BEND7: variants seen among roughly 807,000 people sequenced by gnomAD.
The protein encoded by BEND7 is BEN domain containing 7, also known as BEN domain-containing protein 7.
Under a neutral mutation model 50.9 loss-of-function variants are expected in BEND7, and 28 were observed. That is an observed-to-expected ratio of 0.55 (90% CI 0.41 to 0.75). The LOEUF (loss-of-function observed/expected upper bound fraction) is 0.75, where lower values mean the gene tolerates loss of function less well. Ranked by LOEUF, BEND7 falls within the 30% of genes least tolerant of loss-of-function variation. The probability of loss-of-function intolerance (pLI) is 0.00; values close to 1 mark genes in which losing one functional copy is unlikely to be tolerated. For synonymous variants in BEND7, 170 were observed against 183.9 expected (o/e 0.92, Z 0.61); for missense variants, 477 against 491.3 (o/e 0.97, Z 0.28).
chr10:13,522,938 A>G (rs969681501), intron 2 of BEND7, among the ~76,000 whole-genome samples: 2 of 152,184 alleles, frequency 1.3e-5, no homozygotes, highest in African/African-American at 4.8e-5. Context: ...TCTTTCATGT[A>G]AAGTGCTCAG....
chr10:13,459,735 T>G (rs1285643210), intron 6 of BEND7: 1 of 152,212 alleles, frequency 6.6e-6, no homozygotes, highest in African/African-American at 2.4e-5. Flanking sequence ...GAATGACAAC[T>G]AAGTAATATG....
chr10:13,502,576 G>A (rs540101226), intron 2 of BEND7, among the ~76,000 whole-genome samples: 1 of 152,300 alleles, frequency 6.6e-6, no homozygotes, highest in East Asian at 1.9e-4. Flanking sequence ...GTGTCTGGAA[G>A]AGGTCCCAAA....
chr10:13,527,548 C>T (rs2079514776), intron 1 of BEND7, among the ~76,000 whole-genome samples: 2 of 152,164 alleles, frequency 1.3e-5, no homozygotes, highest in African/African-American at 4.8e-5. Flanking sequence ...GAAAAGTGGA[C>T]AGGTTGGGGT....
At position 13,496,858 on chromosome 10, in the gene BEND7, C is replaced by T. The variant is rs907480130; in HGVS notation, c.479G>A (p.Gly160Glu). Residue 160 changes from glycine (G) to glutamate (E), a missense_variant, in exon 4 of 9, where the codon GGA becomes GAA. By Grantham distance (98) the Gly-to-Glu change is moderately conservative. Transcript: ENST00000466271. ...GCAGTTACAAGTACAGCAGTTTGATCCAGCTGATGAATTCACCACTGGAAG... is the reference window on the plus strand; with the variant it reads ...GCAGTTACAAGTACAGCAGTTTGATTCAGCTGATGAATTCACCACTGGAAG... ...GELPVVNSSAGSNCCTCNCQS... is the reference protein window; with the variant it reads ...GELPVVNSSAESNCCTCNCQS... The T allele has an allele frequency of 1.2e-6, 2 of 1,609,114 alleles. No homozygotes were observed. The highest frequency in any genetic ancestry group is 1.1e-5 in the South Asian group (1 of 90,944).
chr10:13,524,774 C>T (rs2079334372), intron 2 of BEND7, among the ~76,000 whole-genome samples: 1 of 152,066 alleles, frequency 6.6e-6, no homozygotes, highest in Admixed American at 6.6e-5. Flanking sequence ...GCTCCTAGCT[C>T]TCTTAACAGT....
intron 6 of BEND7, among the ~76,000 whole-genome samples, chr10:13,462,749 G>A (rs1472653095): frequency 2.0e-5 from 3 of 152,218 alleles, no homozygotes; most frequent in Non-Finnish European, 4.4e-5. Context: ...AGAGGAAAGA[G>A]AGAGTAGATG....
chr10:13,517,877 G>C (rs773705906), intron 2 of BEND7, among the ~76,000 whole-genome samples: 1 of 152,192 alleles, frequency 6.6e-6, no homozygotes, highest in Non-Finnish European at 1.5e-5. Flanking sequence ...CCGCTCCCCT[G>C]CTACTGCTGA....
chr10:13,495,300 G>A (rs2076949973), intron 4 of BEND7, among the ~76,000 whole-genome samples: 1 of 152,232 alleles, frequency 6.6e-6, no homozygotes, highest in Non-Finnish European at 1.5e-5. Context: ...AGTGGAACAA[G>A]GTGAGTCCAA....
chr10:13,500,167 C>T (rs1462995680), intron 2 of BEND7, 87 bp from the exon 3 acceptor site: 1 of 1,146,294 alleles, frequency 8.7e-7, no homozygotes, highest in African/African-American at 1.5e-5. Flanking sequence ...AGAAAAACAA[C>T]CCTTCTTTGG....
At position 13,465,264 on chromosome 10, in the gene BEND7, C is replaced by G. The variant is rs148257608; in HGVS notation, c.1064-12606G>C. On this transcript the variant is annotated intron_variant, in intron 6 of 8. Coordinates refer to ENST00000466271, the MANE Select transcript of BEND7 (RefSeq NM_001369863.1). ...GAAGTTCATTTCAGATTCGGTTTGA[C>G]AATCAGAATTTAGCACAGTTCATCA... 5.9e-5 allele frequency among the ~76,000 whole-genome samples: 9 copies of G among 152,276 alleles called. 1 individual carries two copies. Among genetic ancestry groups the G allele is most frequent in the African/African-American group, 9.6e-5 (4 of 41,544 alleles).
chr10:13,438,942 C>CT, downstream of BEND7: 2 of 500,490 alleles, frequency 4.0e-6, no homozygotes, highest in Non-Finnish European at 7.2e-6. Flanking sequence ...CTTCTGGTAA[C>CT]TGGCAGCACT....
At chr10:13,494,665 C>T (rs1366848111) in intron 4 of BEND7, among the ~76,000 whole-genome samples, 1 of 152,178 alleles carries the variant, frequency 6.6e-6, no homozygotes, top group Non-Finnish European at 1.5e-5. Flanking sequence ...AGGCCCCAGG[C>T]CTTGCTAAGC....
At chr10:13,495,807 G>T (rs1405707648) in intron 4 of BEND7, among the ~76,000 whole-genome samples, 1 of 152,088 alleles carries the variant, frequency 6.6e-6, no homozygotes, top group Non-Finnish European at 1.5e-5. Context: ...TCACTAAATG[G>T]CATCCTGAAC....
intron 2 of BEND7, among the ~76,000 whole-genome samples, chr10:13,524,328 T>A (rs922906949): frequency 1.3e-5 from 2 of 152,054 alleles, no homozygotes; most frequent in Non-Finnish European, 2.9e-5. Context: ...CTATATAGAG[T>A]GGTACTTTGA....
chr10:13,441,440 T>TAG lies in BEND7; in HGVS notation c.*302_*303insCT. The TAG allele has an allele frequency of 8.7e-7, 1 of 1,153,306 alleles. No individual in the cohort carries two copies. The highest frequency in any genetic ancestry group is 1.1e-6 in the Non-Finnish European group (1 of 945,796). 71.4% of individuals were successfully genotyped at this position (1,153,306 alleles called of 1,614,324 possible). A position where few individuals can be genotyped will look rare whatever the true frequency, so the allele number is the denominator to read the frequency against. ...ACGTATTTCCAGTGTGTAGATCCGT[T>TAG]CATCGCACACATCTTTGGGTTGAAC... On this transcript the variant is annotated 3_prime_UTR_variant, in exon 9 of 9. Transcript: ENST00000466271.
chr10:13,492,898 A>T, intron 4 of BEND7, 22 bp from the exon 5 acceptor site: 1 of 1,592,612 alleles, frequency 6.3e-7, no homozygotes, highest in Non-Finnish European at 8.5e-7. Flanking sequence ...AAACAAAAAT[A>T]TGGTACAGGC....
chr10:13,447,597 G>A (rs1836675249), intron 7 of BEND7, among the ~76,000 whole-genome samples: 1 of 133,766 alleles, frequency 7.5e-6, no homozygotes. Flanking sequence ...AGGCTGGAGT[G>A]CAGTGGCGCG....
chr10:13,516,125 C>A (rs1302603124), intron 2 of BEND7, among the ~76,000 whole-genome samples: 1 of 152,182 alleles, frequency 6.6e-6, no homozygotes, highest in Admixed American at 6.5e-5. Flanking sequence ...GTCTACTCTG[C>A]ACCAAGGAAT....
intron 1 of BEND7, chr10:13,527,823 A>G: frequency 3.1e-6 from 3 of 983,396 alleles, no homozygotes; most frequent in Non-Finnish European, 3.6e-6. Context: ...CAAAATACAA[A>G]CCCTAGAGTG....
Sources: allele counts gnomAD v4.1 joint callset (sites outside exome capture counted in the v4.1 genomes callset), GRCh38; gene constraint gnomAD v4.1.1; transcripts MANE v1.5; gene names NCBI Gene and HGNC (gene_info 2026-07-23, HGNC 2026-07-21).